TSPAN9: variants seen among roughly 807,000 people sequenced by gnomAD.
TSPAN9 encodes tetraspanin-9.
TSPAN9 carries 16 observed loss-of-function variants against 31.0 expected under a neutral mutation model. That is an observed-to-expected ratio of 0.52 (90% CI 0.35 to 0.78). The LOEUF is 0.78. TSPAN9 is among the 30% of genes least tolerant of loss of function. TSPAN9 has a pLI of 0.01. For synonymous variants in TSPAN9, 145 were observed against 121.6 expected, an observed-to-expected ratio of 1.19 and a Z score of -1.27; for missense variants, 272 against 312.5, an observed-to-expected ratio of 0.87 and a Z score of 0.98.
intron 2 of TSPAN9, among the ~76,000 whole-genome samples, chr12:3,171,210 A>T (rs1381196900): frequency 6.6e-6 from 1 of 151,984 alleles, no homozygotes; most frequent in African/African-American, 2.4e-5. Context: ...TTTTCTACGT[A>T]GCATATGATA....
rs1364735601 is a variant in TSPAN9 at position 3,143,782 on chromosome 12, G to A, written c.-17-57395G>A. 6.6e-6 allele frequency among the ~76,000 whole-genome samples: 1 copy of A among 152,160 alleles called. No individual in the cohort carries two copies. Among genetic ancestry groups the A allele is most frequent in the African/African-American group, 2.4e-5 (1 of 41,432 alleles). ...TTGGTGTATTCCTGTCTTTTCTGGAGCTCTTCCTTACTTTCTGGCACAAGA... is the reference window on the plus strand; with the variant it reads ...TTGGTGTATTCCTGTCTTTTCTGGAACTCTTCCTTACTTTCTGGCACAAGA... On this transcript the variant is annotated intron_variant, in intron 2 of 8. Transcript: ENST00000011898. This position sits in a 1 kb window ranked among gnomAD's most constrained non-coding sequence, Gnocchi z 4.2.
At chr12:3,136,865 C>T (rs2098332406) in intron 2 of TSPAN9, among the ~76,000 whole-genome samples, 2 of 152,162 alleles carry the variant, frequency 1.3e-5, no homozygotes, top group South Asian at 2.1e-4. Flanking sequence ...TGGCTGGGGA[C>T]CCCTCTAAGG....
At chr12:3,226,178 G>A (rs1017025843) in intron 3 of TSPAN9, among the ~76,000 whole-genome samples, 1 of 152,080 alleles carries the variant, frequency 6.6e-6, no homozygotes, top group Admixed American at 6.5e-5. Context: ...GTGAGGGGAG[G>A]ACGGTCGTGA....
At chr12:3,169,015 T>C (rs536795775) in intron 2 of TSPAN9, among the ~76,000 whole-genome samples, 2 of 152,310 alleles carry the variant, frequency 1.3e-5, no homozygotes, top group Admixed American at 1.3e-4. Flanking sequence ...TCTCTCCTCA[T>C]TCCAGACCCC....
intron 2 of TSPAN9, among the ~76,000 whole-genome samples, chr12:3,138,157 G>T (rs902300441): frequency 1.3e-5 from 2 of 152,128 alleles, no homozygotes; most frequent in Non-Finnish European, 2.9e-5. Flanking sequence ...TCTGCCCGTG[G>T]GTTTGGTAGT....
rs965739006 is a variant in TSPAN9, at chr12:3,095,634, C to CA, written c.-18+11915_-18+11916insA. Among the ~76,000 whole-genome samples, 8 of 125,120 alleles carry CA rather than the reference C, an allele frequency of 6.4e-5. No homozygotes were observed. The East Asian group carries it at 1.6e-3, about 25-fold the overall frequency. The allele number at this position is 125,120 out of a possible 152,430, so 82.1% of individuals were successfully genotyped here. A position where few individuals can be genotyped will look rare whatever the true frequency, so the allele number is the denominator to read the frequency against. On this transcript the variant is annotated intron_variant, in intron 2 of 8. Coordinates refer to ENST00000011898, the MANE Select transcript of TSPAN9 (RefSeq NM_006675.5). ...GCGGCTGGCCGGGCGGAGGGCTGAC[C>CA]CCCCCCACCTCCCTCCCGGACGGGG...
intron 3 of TSPAN9, among the ~76,000 whole-genome samples, chr12:3,208,173 C>T (rs943523822): frequency 5.3e-5 from 8 of 152,182 alleles, no homozygotes; most frequent in South Asian, 4.1e-4. Flanking sequence ...TAGGTGCCCA[C>T]GGGTTGGAGT....
At position 3,285,047 on chromosome 12, in the gene TSPAN9, CAG is replaced by C. The variant is rs999913897; in HGVS notation, c.*1932_*1933del. ...CAGGGTGAAGACCGCTTCCCTGAGA[CAG>C]GGGCAGTGGTGCTGATGGAATGTGG... On this transcript the variant is annotated 3_prime_UTR_variant, in exon 9 of 9. Coordinates refer to ENST00000011898, the MANE Select transcript of TSPAN9 (RefSeq NM_006675.5). 2.0e-5 allele frequency: 3 copies of C among 152,222 alleles called. No individual in the cohort carries two copies. The highest frequency in any genetic ancestry group is 1.5e-5 in the Non-Finnish European group (1 of 68,056). The allele number at this position is 152,222 out of a possible 1,614,324, so 9.4% of individuals were successfully genotyped here. A position where few individuals can be genotyped will look rare whatever the true frequency, so the allele number is the denominator to read the frequency against.
intron 2 of TSPAN9, among the ~76,000 whole-genome samples, chr12:3,109,299 T>TGTGTGTGTGTGTGTGTGTGTGAGAGAGA (rs1274383200): frequency 2.7e-4 from 32 of 118,336 alleles, no homozygotes; most frequent in Middle Eastern, 3.8e-3. Flanking sequence ...TGTGTGTGTG[T>TGTGTGTGTGTGTGTGTGTGTGAGAGAGA]GAGAGAGAGT....
intron 3 of TSPAN9, among the ~76,000 whole-genome samples, chr12:3,243,697 G>A (rs1445813366): frequency 6.6e-6 from 1 of 152,116 alleles, no homozygotes; most frequent in Non-Finnish European, 1.5e-5. Context: ...CAGCGTAGGG[G>A]TTGACGCCCG....
At chr12:3,276,139 G>T (rs981283731) in intron 3 of TSPAN9, among the ~76,000 whole-genome samples, 1 of 151,870 alleles carries the variant, frequency 6.6e-6, no homozygotes, top group Non-Finnish European at 1.5e-5. Flanking sequence ...GGGGACAGAC[G>T]CCTCCCTGAG....
intron 3 of TSPAN9, among the ~76,000 whole-genome samples, chr12:3,226,536 C>T (rs1046018525): frequency 8.0e-5 from 12 of 150,156 alleles, no homozygotes; most frequent in Non-Finnish European, 1.8e-4. Context: ...TGTAGGTGTG[C>T]TTGGATTTGA....
chr12:3,223,668 C>T (rs1011172566), intron 3 of TSPAN9, among the ~76,000 whole-genome samples: 3 of 152,194 alleles, frequency 2.0e-5, no homozygotes, highest in Admixed American at 6.5e-5. Context: ...CCTGCATTTC[C>T]TCACCTATAA....
intron 3 of TSPAN9, among the ~76,000 whole-genome samples, chr12:3,242,754 T>G (rs1032013094): frequency 6.6e-6 from 1 of 152,224 alleles, no homozygotes; most frequent in African/African-American, 2.4e-5. Context: ...TTGTGGAGCC[T>G]TGGACGCATT....
intron 2 of TSPAN9, among the ~76,000 whole-genome samples, chr12:3,129,710 A>T (rs2153966853): frequency 6.6e-6 from 1 of 152,352 alleles, no homozygotes; most frequent in Middle Eastern, 3.4e-3. Flanking sequence ...AAGCCCTTGA[A>T]TGTTAGCTTA....
At chr12:3,120,270 G>C (rs959861314) in intron 2 of TSPAN9, among the ~76,000 whole-genome samples, 5 of 152,306 alleles carry the variant, frequency 3.3e-5, no homozygotes, top group Non-Finnish European at 5.9e-5. Context: ...TTGGGGGCCT[G>C]GGGACAGGAC....
intron 3 of TSPAN9, among the ~76,000 whole-genome samples, chr12:3,257,777 A>T (rs643255): frequency 2.1e-5 from 3 of 141,068 alleles, no homozygotes; most frequent in Middle Eastern, 3.5e-3. Context: ...CGGGAGGGGT[A>T]GGGGGGCGGC....
chr12:3,097,675 T>C (rs2098309800), intron 2 of TSPAN9, among the ~76,000 whole-genome samples: 2 of 152,272 alleles, frequency 1.3e-5, no homozygotes, highest in African/African-American at 4.8e-5. Context: ...GTAGCAGGAC[T>C]TAGAGCCCAG....
chr12:3,208,962 C>T (rs149834003), intron 3 of TSPAN9, among the ~76,000 whole-genome samples: 2,055 of 152,294 alleles, frequency 0.013, 23 homozygotes, highest in South Asian at 0.04. Flanking sequence ...TTGTGCCAGG[C>T]GCAGGGGCTC....
Sources: allele counts gnomAD v4.1 joint callset (sites outside exome capture counted in the v4.1 genomes callset), GRCh38; gene constraint gnomAD v4.1.1; non-coding constraint Gnocchi (gnomAD v3.1); transcripts MANE v1.5; gene names NCBI Gene and HGNC (gene_info 2026-07-23, HGNC 2026-07-21).